Variants in PLA2G4A observed in about 807,000 individuals in gnomAD.
PLA2G4A encodes the protein cytosolic phospholipase A2.
A neutral mutation model predicts 81.9 loss-of-function variants in PLA2G4A; 40 were observed. The observed-to-expected ratio is 0.49, with a 90% CI of 0.38 to 0.64. PLA2G4A has a LOEUF of 0.64. PLA2G4A is among the 30% of genes least tolerant of loss of function. The pLI, the probability that PLA2G4A is intolerant of heterozygous loss-of-function variation, is 0.00. For missense variants in PLA2G4A, 715 were observed against 905.1 expected (o/e 0.79, Z 2.69); for synonymous variants, 302 against 296.9 (o/e 1.02, Z -0.18).
intron 7 of PLA2G4A, among the ~76,000 whole-genome samples, chr1:186,928,215 G>A (rs1412562841): frequency 2.0e-5 from 3 of 152,268 alleles, no homozygotes; most frequent in Admixed American, 6.5e-5. Context: ...GGTGCACTCT[G>A]AGGGGCCCAA....
intron 2 of PLA2G4A, among the ~76,000 whole-genome samples, chr1:186,867,723 C>A (rs535292557): frequency 6.6e-6 from 1 of 152,180 alleles, no homozygotes; most frequent in East Asian, 1.9e-4. Flanking sequence ...AATAGGACTT[C>A]CAGTACAATG....
chr1:186,987,042 G>A (rs1170730319), intron 17 of PLA2G4A, among the ~76,000 whole-genome samples: 1 of 152,194 alleles, frequency 6.6e-6, no homozygotes, highest in Non-Finnish European at 1.5e-5. Context: ...ACATTCCTGT[G>A]ATAGCTCCCT....
intron 1 of PLA2G4A, among the ~76,000 whole-genome samples, chr1:186,843,235 T>A (rs2205897): frequency 6.6e-6 from 1 of 152,060 alleles, no homozygotes; most frequent in South Asian, 2.1e-4. Flanking sequence ...TAAAGTATCT[T>A]GTACTTGGGA....
At chr1:186,955,998 C>A in intron 13 of PLA2G4A, 104 bp from the exon 14 acceptor site, 3 of 1,011,944 alleles carry the variant, frequency 3.0e-6, no homozygotes, top group Non-Finnish European at 1.5e-6. Context: ...CCTTGGCCTC[C>A]CAAAGTGCTA....
At chr1:186,954,939 T>C (rs1372360850) in intron 13 of PLA2G4A, among the ~76,000 whole-genome samples, 3 of 152,214 alleles carry the variant, frequency 2.0e-5, no homozygotes, top group Non-Finnish European at 4.4e-5. Context: ...GGCATTTTTC[T>C]AAGAACATTA....
In PLA2G4A at chr1:186,939,101, C is replaced by G; in HGVS notation, c.789C>G (p.Pro263=). Residue 263 remains proline, a synonymous_variant, in exon 9 of 18, where the codon CCC becomes CCG. Coordinates refer to ENST00000367466, the MANE Select transcript of PLA2G4A (RefSeq NM_024420.3). ...TAATGAAAAATGTTAGCCACAATCC[C>G]CTTTTACTTCTCACACCACAGAAAG... The part of the protein sequence containing the change: ...EELMKNVSHN[P]LLLLTPQKVK... 1 of 1,608,092 alleles carries G rather than the reference C, an allele frequency of 6.2e-7. No individual in the cohort carries two copies. Among genetic ancestry groups the G allele is most frequent in the Middle Eastern group, 1.7e-4 (1 of 6,048 alleles).
intron 3 of PLA2G4A, among the ~76,000 whole-genome samples, chr1:186,889,169 CT>C (rs1225565201): frequency 1.3e-5 from 2 of 152,124 alleles, no homozygotes; most frequent in Non-Finnish European, 2.9e-5. Flanking sequence ...CCCACTCAAT[CT>C]TTTTGTTCTC....
intron 1 of PLA2G4A, among the ~76,000 whole-genome samples, chr1:186,847,607 C>A (rs967575694): frequency 6.6e-6 from 1 of 152,082 alleles, no homozygotes; most frequent in African/African-American, 2.4e-5. Flanking sequence ...TTAAAGAAAG[C>A]AGATGGACAA....
At chr1:186,875,031 G>A (rs1653415539) in intron 3 of PLA2G4A, among the ~76,000 whole-genome samples, 1 of 152,058 alleles carries the variant, frequency 6.6e-6, no homozygotes, top group Non-Finnish European at 1.5e-5. Context: ...GTCACTGGGG[G>A]TTTTTATTCA....
chr1:186,939,163 G>T lies in PLA2G4A; in HGVS notation c.851G>T (p.Ser284Ile). Residue 284 changes from serine (S) to isoleucine (I), a missense_variant, in exon 9 of 18, where the codon AGC becomes ATC. Ser to Ile is a moderately radical substitution (Grantham distance 142). Coordinates refer to ENST00000367466, the MANE Select transcript of PLA2G4A (RefSeq NM_024420.3). ...RYVESLWKKKSSGQPVTFTDI... is the reference protein window; with the variant it reads ...RYVESLWKKKISGQPVTFTDI... The stretch of plus-strand genomic sequence containing the variant: ...GTTGAGTCTTTATGGAAGAAGAAAA[G>T]CTCTGGACAACCTGTCACCTTTACT... 4 of 1,610,246 alleles carry T rather than the reference G, an allele frequency of 2.5e-6. No homozygotes were observed. Among genetic ancestry groups the T allele is most frequent in the Non-Finnish European group, 2.5e-6 (3 of 1,176,708 alleles).
At chr1:186,874,672 G>C (rs189975293) in intron 3 of PLA2G4A, among the ~76,000 whole-genome samples, 238 of 152,054 alleles carry the variant, frequency 1.6e-3, no homozygotes, top group African/African-American at 5.5e-3. Flanking sequence ...AGGATTGCAG[G>C]TGGATCTAAC....
intron 8 of PLA2G4A, 110 bp from the exon 9 acceptor site, chr1:186,938,898 G>A: frequency 2.8e-6 from 2 of 724,638 alleles, no homozygotes; most frequent in South Asian, 1.5e-5. Flanking sequence ...AGATAATGAA[G>A]TTAACCAAAT....
At chr1:186,973,892 C>T (rs189794161) in intron 15 of PLA2G4A, among the ~76,000 whole-genome samples, 1 of 152,198 alleles carries the variant, frequency 6.6e-6, no homozygotes, top group Non-Finnish European at 1.5e-5. Flanking sequence ...TACCTACATG[C>T]TTATATGCCA....
intron 1 of PLA2G4A, among the ~76,000 whole-genome samples, chr1:186,842,697 C>T (rs760834837): frequency 2.6e-5 from 4 of 152,074 alleles, no homozygotes; most frequent in Admixed American, 6.5e-5. Context: ...GAGGACACAG[C>T]GAAAAGCAGC....
At chr1:186,858,892 GA>G (rs200494559) in intron 2 of PLA2G4A, among the ~76,000 whole-genome samples, 20 of 151,044 alleles carry the variant, frequency 1.3e-4, no homozygotes, top group Admixed American at 1.1e-3. Flanking sequence ...TGTGTATATG[GA>G]AAAAAAACCA....
chr1:186,939,308 A>G (rs1052862046), intron 9 of PLA2G4A, 78 bp downstream of exon 9: 42 of 624,926 alleles, frequency 6.7e-5, no homozygotes, highest in Non-Finnish European at 1.1e-4. Flanking sequence ...TAAATAAAAG[A>G]AAATGTAATA....
At chr1:186,915,059 A>T (rs1482336005) in intron 7 of PLA2G4A, among the ~76,000 whole-genome samples, 1 of 152,180 alleles carries the variant, frequency 6.6e-6, no homozygotes, top group South Asian at 2.1e-4. Flanking sequence ...AACTCTTATT[A>T]TAAGAGTTTT....
At chr1:186,848,546 C>T (rs1375830389) in intron 1 of PLA2G4A, among the ~76,000 whole-genome samples, 2 of 152,070 alleles carry the variant, frequency 1.3e-5, no homozygotes, top group Non-Finnish European at 2.9e-5. Context: ...TTCTTTTCTT[C>T]CTTTCACATC....
intron 5 of PLA2G4A, among the ~76,000 whole-genome samples, chr1:186,899,826 G>T (rs1323518832): frequency 6.6e-6 from 1 of 152,110 alleles, no homozygotes; most frequent in African/African-American, 2.4e-5. Context: ...TGCTTCTGTG[G>T]AAAGTGACTA....
Sources: gnomAD v4.1 joint callset for allele counts (sites outside exome capture counted in the v4.1 genomes callset) on GRCh38, gnomAD v4.1.1 for gene constraint, MANE v1.5 for transcripts, NCBI Gene and HGNC (gene_info 2026-07-23, HGNC 2026-07-21) for gene names.